The following TENT4A variants were observed in gnomAD, a reference collection of about 807,000 sequenced individuals.
TENT4A encodes the protein terminal nucleotidyltransferase 4A.
Under a neutral mutation model 72.8 loss-of-function variants are expected in TENT4A, and 7 were observed. That is an observed-to-expected ratio of 0.10 (90% CI 0.05 to 0.18). The LOEUF is 0.18. Ranked by LOEUF, TENT4A falls within the 10% of genes least tolerant of loss-of-function variation. The pLI is 1.00. For synonymous variants in TENT4A, 456 were observed against 434.3 expected, an observed-to-expected ratio of 1.05 and a Z score of -0.62; for missense variants, 831 against 1,017.7, an observed-to-expected ratio of 0.82 and a Z score of 2.50.
In TENT4A at chr5:6,749,656, G is replaced by A. The variant is rs1295372215; in HGVS notation, c.1686G>A (p.Met562Ile). ...WGSKAHPSPGMDSRIKIKERI... is the reference protein window; with the variant it reads ...WGSKAHPSPGIDSRIKIKERI... ...GCAAAGCCCACCCGTCGCCAGGCAT[G>A]GGTGAGAGATTAATTCATTTGTGTT... Residue 562 changes from methionine to isoleucine, a missense_variant and splice_region_variant, in exon 9 of 13, where the codon ATG (methionine) becomes ATA (isoleucine). By Grantham distance (10) the Met-to-Ile change is conservative. Transcript: ENST00000230859. The A allele has an allele frequency of 1.2e-6, 2 of 1,600,382 alleles. No homozygotes were observed. Among genetic ancestry groups the A allele is most frequent in the South Asian group, 2.2e-5 (2 of 90,802 alleles).
At chr5:6,721,235 G>T (rs984515590) in intron 1 of TENT4A, among the ~76,000 whole-genome samples, 3 of 152,026 alleles carry the variant, frequency 2.0e-5, no homozygotes, top group Non-Finnish European at 4.4e-5. Context: ...GCCAACTCAG[G>T]AGAGCAGGTG....
At chr5:6,737,784 T>C in intron 2 of TENT4A, 151 bp downstream of exon 2, 2 of 814,412 alleles carry the variant, frequency 2.5e-6, no homozygotes, top group Middle Eastern at 2.8e-4. Context: ...AAGGCCTCCG[T>C]TGCCTGGAAT....
chr5:6,715,303 C>A (rs986205855), intron 1 of TENT4A, among the ~76,000 whole-genome samples: 5 of 152,106 alleles, frequency 3.3e-5, no homozygotes, highest in Admixed American at 6.5e-5. Flanking sequence ...TATGTCTATT[C>A]TTTGGAAGGT....
chr5:6,737,531 C>T lies in TENT4A; in HGVS notation c.738C>T (p.Asp246=), dbSNP rs1486870924. The change falls in exon 2 of 13, where the codon GAC becomes GAT. Residue 246 remains aspartate (D), a synonymous_variant. Coordinates refer to ENST00000230859, the MANE Select transcript of TENT4A (RefSeq NM_006999.6). ...GIQGLHEEII[D]FYNFMSPCPE... The stretch of plus-strand genomic sequence containing the variant: ...TTAGACTACATGAGGAAATAATTGA[C>T]TTTTATAACTTCATGTCCCCTTGTC... 1 of 1,612,594 alleles carries T rather than the reference C, an allele frequency of 6.2e-7. No homozygotes were observed. Among genetic ancestry groups the T allele is most frequent in the South Asian group, 1.1e-5 (1 of 90,742 alleles).
rs766962066 is a variant in TENT4A at position 6,748,493 on chromosome 5, G to A, written c.1489G>A (p.Ala497Thr). ...GNDVGRSSYG[A>T]MQVKQVFDYA... is the part of the protein sequence containing the mutation. ...TGACGTTGGCCGGAGCTCCTATGGC[G>A]CCATGCAGGTGAAGCAGGTCTTCGA... The change falls in exon 8 of 13, where the codon GCC becomes ACC. Residue 497 changes from alanine to threonine, a missense_variant. Physicochemically the swap from Ala to Thr is moderately conservative, Grantham distance 58. This residue lies in a region of TENT4A where 197 missense variants were observed against 399.6 expected (regional missense o/e 0.49). Transcript: ENST00000230859. 4.3e-6 allele frequency: 7 copies of A among 1,614,094 alleles called. No homozygotes were observed. Among genetic ancestry groups the A allele is most frequent in the Admixed American group, 1.7e-5 (1 of 60,014 alleles).
chr5:6,750,146 G>C (rs896356238), intron 9 of TENT4A, among the ~76,000 whole-genome samples, 185 bp from the exon 10 acceptor site: 1 of 152,228 alleles, frequency 6.6e-6, no homozygotes, highest in African/African-American at 2.4e-5. Flanking sequence ...TTACAAACAT[G>C]TTTAATGTTT....
intron 1 of TENT4A, among the ~76,000 whole-genome samples, chr5:6,725,659 T>G (rs76588626): frequency 0.06 from 9,151 of 152,300 alleles, 294 homozygotes; most frequent in South Asian, 0.11. Context: ...ATAATGACAT[T>G]GTTTTTGTAA....
chr5:6,749,857 A>G (rs183646044), intron 9 of TENT4A, among the ~76,000 whole-genome samples, 200 bp downstream of exon 9: 22 of 152,322 alleles, frequency 1.4e-4, no homozygotes, highest in African/African-American at 4.1e-4. Context: ...ATAGAATTTC[A>G]AAGTTTCTAG....
At chr5:6,722,923 G>A (rs1237979621) in intron 1 of TENT4A, among the ~76,000 whole-genome samples, 1 of 152,182 alleles carries the variant, frequency 6.6e-6, no homozygotes, top group Non-Finnish European at 1.5e-5. Context: ...GGCCATATGT[G>A]ACTTTTGAGC....
At chr5:6,753,779 G>C (rs1032197550) in intron 12 of TENT4A, among the ~76,000 whole-genome samples, 1 of 152,224 alleles carries the variant, frequency 6.6e-6, no homozygotes, top group Admixed American at 6.5e-5. Flanking sequence ...TTGAGGCTTT[G>C]TTGGCCCTGT....
intron 5 of TENT4A, 42 bp downstream of exon 5, chr5:6,742,639 G>A (rs752462982): frequency 4.6e-5 from 54 of 1,174,718 alleles, no homozygotes; most frequent in Non-Finnish European, 6.9e-5. Context: ...GTGCAGGACT[G>A]GAGTGCTTGT....
At chr5:6,731,315 G>T (rs77132997) in intron 1 of TENT4A, among the ~76,000 whole-genome samples, 1 of 152,184 alleles carries the variant, frequency 6.6e-6, no homozygotes, top group African/African-American at 2.4e-5. Flanking sequence ...TAATGGAAAA[G>T]ACTGGGAACT....
At position 6,717,798 on chromosome 5, in the gene TENT4A, C is replaced by G. The variant is rs899973046; in HGVS notation, c.716+3099C>G. Among the ~76,000 whole-genome samples the G allele has an allele frequency of 1.1e-4, 17 of 152,236 alleles. 1 individual carries two copies. The highest frequency in any genetic ancestry group is 3.3e-4 in the Admixed American group (5 of 15,286). ...CTGGCTGCTGTCACTTGCAAGTGCT[C>G]TCATCCCCTGACCCAGCAGGGCTTT... is the stretch of plus-strand genomic sequence containing the variant. On this transcript the variant is annotated intron_variant, in intron 1 of 12. Transcript: ENST00000230859.
rs1303446527 is a variant in TENT4A, at chr5:6,756,193, A to G, written c.*1248A>G. The G allele has an allele frequency of 6.6e-6, 1 of 152,660 alleles. No homozygotes were observed. Among genetic ancestry groups the G allele is most frequent in the Non-Finnish European group, 1.5e-5 (1 of 68,056 alleles). The allele number at this position is 152,660 out of a possible 1,614,324, so 9.5% of individuals were successfully genotyped here. On this transcript the variant is annotated 3_prime_UTR_variant, in exon 13 of 13. Coordinates refer to ENST00000230859, the MANE Select transcript of TENT4A (RefSeq NM_006999.6). ...CCCGACGTCGGAAGCATACAGGTAT[A>G]CTATGCAAGTGTATTCTGCCACAAC...
intron 12 of TENT4A, 117 bp downstream of exon 12, chr5:6,753,154 CT>C (rs1203156289): frequency 3.0e-5 from 32 of 1,076,394 alleles, no homozygotes; most frequent in Non-Finnish European, 3.8e-5. Context: ...ACGGAATTTG[CT>C]TTGTTGTCAT....
chr5:6,741,268 CG>C (rs1561039119), intron 4 of TENT4A, among the ~76,000 whole-genome samples: 1 of 152,142 alleles, frequency 6.6e-6, no homozygotes. Flanking sequence ...ACTGTGCAGC[CG>C]GCCAGTCATG....
chr5:6,754,482 A>C (rs1222307994), intron 12 of TENT4A, among the ~76,000 whole-genome samples: 1 of 152,062 alleles, frequency 6.6e-6, no homozygotes, highest in Non-Finnish European at 1.5e-5. Context: ...GGACCTTCTT[A>C]TTTCTATGGA....
In TENT4A at chr5:6,738,652, T is replaced by C. The variant is rs763828927; in HGVS notation, c.841-31T>C. 7 of 1,569,660 alleles carry C rather than the reference T, an allele frequency of 4.5e-6. No individual in the cohort carries two copies. In the South Asian group the frequency reaches 6.7e-5, roughly 15 times the overall value. On this transcript the variant is annotated intron_variant, in intron 2 of 12. Transcript: ENST00000230859. ...TAGTGTGACTGCTTGGTTTGTGGTATACATTTTAAGGCAACCACTCTTTCT... is the reference window on the plus strand; with the variant it reads ...TAGTGTGACTGCTTGGTTTGTGGTACACATTTTAAGGCAACCACTCTTTCT...
rs145994941 is a variant in TENT4A at position 6,745,232 on chromosome 5, T to C, written c.1246-982T>C. Among the ~76,000 whole-genome samples the C allele has an allele frequency of 6.5e-4, 99 of 152,328 alleles. 1 individual carries two copies. The highest frequency in any genetic ancestry group is 2.2e-3 in the African/African-American group (93 of 41,576). On this transcript the variant is annotated intron_variant, in intron 6 of 12. Coordinates refer to ENST00000230859, the MANE Select transcript of TENT4A (RefSeq NM_006999.6). ...GGCCAGAATCGGAATCCTCCTCTTG[T>C]GTGGTGGAAATATGCAGAGAACTCC...
Sources: gnomAD v4.1 joint callset for allele counts (sites outside exome capture counted in the v4.1 genomes callset) on GRCh38, gnomAD v4.1.1 for gene constraint, gnomAD v4.1.1 regional missense constraint, MANE v1.5 for transcripts, NCBI Gene and HGNC (gene_info 2026-07-23, HGNC 2026-07-21) for gene names.